Variants in KIF18A observed in about 807,000 individuals in gnomAD.
The protein encoded by KIF18A is kinesin-like protein KIF18A.
In KIF18A, 67 loss-of-function variants were observed where a neutral mutation model predicts 103.3. That is an observed-to-expected ratio of 0.65 (90% confidence interval 0.53 to 0.79). The LOEUF is 0.79. KIF18A is among the 30% of genes least tolerant of loss of function. KIF18A has a pLI of 0.00. For synonymous variants in KIF18A, 367 were observed against 355.5 expected, an observed-to-expected ratio of 1.03 and a Z score of -0.36; for missense variants, 1,032 against 1,062.5, an observed-to-expected ratio of 0.97 and a Z score of 0.40.
At chr11:28,072,752 T>C (rs1335050297) in intron 10 of KIF18A, among the ~76,000 whole-genome samples, 6 of 137,946 alleles carry the variant, frequency 4.3e-5, no homozygotes, top group Non-Finnish European at 9.4e-5. Flanking sequence ...TGCAGAAAAA[T>C]AAGGATGAAA....
chr11:28,094,532 A>T (rs1323025230), intron 3 of KIF18A, 111 bp downstream of exon 3: 7 of 831,068 alleles, frequency 8.4e-6, no homozygotes, highest in Non-Finnish European at 1.3e-5. Flanking sequence ...AAGACAAGGA[A>T]TTTTAATGAT....
chr11:28,085,671 A>G (rs1374530308), intron 6 of KIF18A, among the ~76,000 whole-genome samples: 4 of 152,152 alleles, frequency 2.6e-5, no homozygotes, highest in African/African-American at 7.2e-5. Context: ...CTTGTATGCA[A>G]TAAATATCAG....
At chr11:28,028,558 T>C (rs546708045) in intron 15 of KIF18A, among the ~76,000 whole-genome samples, 12 of 151,932 alleles carry the variant, frequency 7.9e-5, no homozygotes, top group Admixed American at 5.2e-4. Flanking sequence ...TAGCAGTAAA[T>C]GCCCACAAGA....
At chr11:28,079,901 A>T (rs907733230) in intron 9 of KIF18A, among the ~76,000 whole-genome samples, 1 of 152,116 alleles carries the variant, frequency 6.6e-6, no homozygotes, top group East Asian at 1.9e-4. Flanking sequence ...ACTTTTGCAT[A>T]CTGTATTACT....
intron 13 of KIF18A, among the ~76,000 whole-genome samples, chr11:28,052,329 G>C (rs1326888289): frequency 6.6e-6 from 1 of 152,056 alleles, no homozygotes; most frequent in Admixed American, 6.6e-5. Context: ...AGTCCTGATA[G>C]TAACCTACAA....
rs551281858 is a variant in KIF18A, at chr11:28,051,585, G to GTA, written c.1948+7339_1948+7340dup. The stretch of plus-strand genomic sequence containing the variant: ...CTTTTGAGGAAAGATCCCGAAGGCA[G>GTA]TAAGAGAGAGAAAAAAGCTATTTTA... On this transcript the variant is annotated intron_variant, in intron 13 of 16. Coordinates refer to ENST00000263181, the MANE Select transcript of KIF18A (RefSeq NM_031217.4). Among the ~76,000 whole-genome samples, 14 of 152,102 alleles carry GTA rather than the reference G, an allele frequency of 9.2e-5. 1 individual carries two copies. The East Asian group carries it at 1.9e-3, about 21-fold the overall frequency.
chr11:28,052,337 C>T (rs1252745084), intron 13 of KIF18A, among the ~76,000 whole-genome samples: 2 of 152,110 alleles, frequency 1.3e-5, no homozygotes, highest in Admixed American at 6.6e-5. Context: ...TAGTAACCTA[C>T]AAGGCCCTAT....
At chr11:28,040,539 C>T (rs1850545354) in intron 13 of KIF18A, among the ~76,000 whole-genome samples, 1 of 151,776 alleles carries the variant, frequency 6.6e-6, no homozygotes, top group Admixed American at 6.6e-5. Context: ...AAGTTGCAGG[C>T]TGTGCCTTGC....
chr11:28,029,445 T>C (rs1359543868), intron 15 of KIF18A, among the ~76,000 whole-genome samples: 3 of 152,154 alleles, frequency 2.0e-5, no homozygotes, highest in Admixed American at 6.5e-5. Flanking sequence ...ATTATCTCAA[T>C]AGATGCAGAA....
chr11:28,080,211 C>T (rs939263176), intron 9 of KIF18A, among the ~76,000 whole-genome samples: 2 of 152,046 alleles, frequency 1.3e-5, no homozygotes, highest in African/African-American at 2.4e-5. Flanking sequence ...TTCTGGTTCT[C>T]TTCAATATAT....
intron 4 of KIF18A, among the ~76,000 whole-genome samples, chr11:28,091,149 A>AATACATACATACATAC (rs370389493): frequency 7.6e-6 from 1 of 131,902 alleles, no homozygotes; most frequent in African/African-American, 3.1e-5. Context: ...TAAATAAATA[A>AATACATACATACATAC]ATACATACAT....
rs11433506 is a variant in KIF18A at position 28,076,935 on chromosome 11, GAAAAAA to G, written c.1425+66_1425+71del. On this transcript the variant is annotated intron_variant, in intron 10 of 16. Transcript: ENST00000263181. ...GGCAACAGAAGAAGAGACTCCTTCTGAAAAAAAAAAAAAAAAAAAAGCCCCCATGTT... is the reference window on the plus strand; with the variant it reads ...GGCAACAGAAGAAGAGACTCCTTCTGAAAAAAAAAAAAAAGCCCCCATGTT... 177 of 295,260 alleles carry G rather than the reference GAAAAAA, an allele frequency of 6.0e-4. 1 individual carries two copies. The East Asian group carries it at 0.018, about 30-fold the overall frequency. 18.3% of individuals were successfully genotyped at this position (295,260 alleles called of 1,614,324 possible).
chr11:28,056,755 C>CA lies in KIF18A; in HGVS notation c.1948+2170dup, dbSNP rs201963308. On this transcript the variant is annotated intron_variant, in intron 13 of 16. Coordinates refer to ENST00000263181, the MANE Select transcript of KIF18A (RefSeq NM_031217.4). The stretch of plus-strand genomic sequence containing the variant: ...CACTTAACATAAAATCTGACTTCAA[C>CA]AGACTATTATTCTCTGTGAATAAGG... The CA allele has an allele frequency of 6.5e-3, 1,086 of 167,344 alleles. 3 individuals carry two copies. Among genetic ancestry groups the CA allele is most frequent in the Non-Finnish European group, 0.011 (736 of 67,938 alleles). The allele number at this position is 167,344 out of a possible 1,614,324, so 10.4% of individuals were successfully genotyped here. A position where few individuals can be genotyped will look rare whatever the true frequency, so the allele number is the denominator to read the frequency against.
chr11:28,077,954 C>T (rs1851116860), intron 9 of KIF18A, among the ~76,000 whole-genome samples: 1 of 152,078 alleles, frequency 6.6e-6, no homozygotes, highest in African/African-American at 2.4e-5. Flanking sequence ...ACCTGCAATC[C>T]TGTATCCTTC....
intron 13 of KIF18A, among the ~76,000 whole-genome samples, chr11:28,050,481 AT>A (rs1850697398): frequency 6.6e-6 from 1 of 151,862 alleles, no homozygotes; most frequent in African/African-American, 2.4e-5. Context: ...TATTCAAGTA[AT>A]TTTAGGGGAA....
At chr11:28,098,588 T>C (rs1851405149) in intron 1 of KIF18A, among the ~76,000 whole-genome samples, 2 of 152,098 alleles carry the variant, frequency 1.3e-5, no homozygotes, top group African/African-American at 4.8e-5. Context: ...TTCAACTAGA[T>C]AGCTCAGGTC....
Position 28,020,910 on chromosome 11 carries a change from T to C in KIF18A, c.*290A>G, listed in dbSNP as rs1359376600. ...CTAAAATGTCCTAGTCAACTTGTTG[T>C]GGCATAGTAAAACTAAGCTGCCACC... On this transcript the variant is annotated 3_prime_UTR_variant, in exon 17 of 17. Transcript: ENST00000263181. 1 of 176,368 alleles carries C rather than the reference T, an allele frequency of 5.7e-6. No individual in the cohort carries two copies. Among genetic ancestry groups the C allele is most frequent in the Admixed American group, 6.2e-5 (1 of 16,008 alleles). 10.9% of individuals were successfully genotyped at this position (176,368 alleles called of 1,614,324 possible).
At chr11:28,048,165 A>G (rs1357359098) in intron 13 of KIF18A, among the ~76,000 whole-genome samples, 1 of 152,176 alleles carries the variant, frequency 6.6e-6, no homozygotes, top group African/African-American at 2.4e-5. Context: ...TTACAATGGT[A>G]GACTACACTT....
At chr11:28,097,444 T>C in intron 2 of KIF18A, 179 bp downstream of exon 2, 3 of 594,838 alleles carry the variant, frequency 5.0e-6, no homozygotes, top group Non-Finnish European at 8.9e-6. Flanking sequence ...GTATAAGTTA[T>C]ATATGATAAC....
Sources: gnomAD v4.1 joint callset for allele counts (sites outside exome capture counted in the v4.1 genomes callset) on GRCh38, gnomAD v4.1.1 for gene constraint, MANE v1.5 for transcripts, NCBI Gene and HGNC (gene_info 2026-07-23, HGNC 2026-07-21) for gene names.